EIF2AK1: variants seen among roughly 807,000 people sequenced by gnomAD.
The protein encoded by EIF2AK1 is eukaryotic translation initiation factor 2 alpha kinase 1.
EIF2AK1 carries 54 observed loss-of-function variants against 77.9 expected under a neutral mutation model. The observed-to-expected ratio is 0.69, with a 90% confidence interval of 0.56 to 0.87. EIF2AK1 has a LOEUF of 0.87. EIF2AK1 is among the 40% of genes least tolerant of loss of function. The probability of loss-of-function intolerance (pLI) is 0.00; values close to 1 mark genes in which losing one functional copy is unlikely to be tolerated. For synonymous variants in EIF2AK1, 314 were observed against 290.5 expected, an observed-to-expected ratio of 1.08 and a Z score of -0.82; for missense variants, 810 against 768.6, an observed-to-expected ratio of 1.05 and a Z score of -0.64.
intron 4 of EIF2AK1, 43 bp from the exon 5 acceptor site, chr7:6,047,134 A>G (rs1311706205): frequency 2.6e-6 from 4 of 1,556,534 alleles, no homozygotes; most frequent in Non-Finnish European, 3.5e-6. Context: ...ACATGAGAGA[A>G]TCAAAATGTT....
chr7:6,049,428 A>AGGT (rs1245393719), intron 3 of EIF2AK1, among the ~76,000 whole-genome samples: 1 of 152,140 alleles, frequency 6.6e-6, no homozygotes, highest in African/African-American at 2.4e-5. Flanking sequence ...CTGTGGTCCC[A>AGGT]GCTACTTGGG....
intron 1 of EIF2AK1, among the ~76,000 whole-genome samples, chr7:6,055,414 C>T (rs28609459): frequency 0.2 from 29,825 of 149,180 alleles, 3,862 homozygotes; most frequent in African/African-American, 0.37. Flanking sequence ...AAACTTTTCT[C>T]GATGAGCGTG....
chr7:6,045,400 C>G (rs767885932), intron 6 of EIF2AK1, among the ~76,000 whole-genome samples: 15 of 152,106 alleles, frequency 9.9e-5, no homozygotes, highest in Non-Finnish European at 2.2e-4. Context: ...GCCACTGCAC[C>G]TGGCCAATAT....
rs771758215 is a variant in EIF2AK1, at chr7:6,036,079, T to A, written c.1332+1345A>T. On this transcript the variant is annotated intron_variant, in intron 11 of 14. Coordinates refer to ENST00000199389, the MANE Select transcript of EIF2AK1 (RefSeq NM_014413.4). This position sits in a 1 kb window ranked among gnomAD's most constrained non-coding sequence, Gnocchi z 4.6. ...AGAAACGGGGAATCTCCAATTTATA[T>A]GTACCTTCAGCGCAGTTGCAATGTA... 3 of 1,551,062 alleles carry A rather than the reference T, an allele frequency of 1.9e-6. No individual in the cohort carries two copies. The highest frequency in any genetic ancestry group is 2.6e-6 in the Non-Finnish European group (3 of 1,147,110).
intron 4 of EIF2AK1, 178 bp from the exon 5 acceptor site, chr7:6,047,269 T>C (rs1483072133): frequency 1.4e-6 from 1 of 728,968 alleles, no homozygotes. Context: ...CAAAATCAGG[T>C]GTTTTACCAG....
chr7:6,054,790 T>G, intron 1 of EIF2AK1, 86 bp from the exon 2 acceptor site: 4 of 1,315,672 alleles, frequency 3.0e-6, no homozygotes, highest in Non-Finnish European at 4.2e-6. Flanking sequence ...TAATGAAACA[T>G]GAAATATTTA....
rs770727290 is a variant in EIF2AK1, at chr7:6,032,964, CT to C, written c.1333-3933del. 51 of 1,512,222 alleles carry C rather than the reference CT, an allele frequency of 3.4e-5. No individual in the cohort carries two copies. Among genetic ancestry groups the C allele is most frequent in the African/African-American group, 6.9e-5 (5 of 71,986 alleles). The allele number at this position is 1,512,222 out of a possible 1,614,324, so 93.7% of individuals were successfully genotyped here. On this transcript the variant is annotated intron_variant, in intron 11 of 14. Coordinates refer to ENST00000199389, the MANE Select transcript of EIF2AK1 (RefSeq NM_014413.4). The surrounding 1 kb of genome is among the most constrained non-coding windows in gnomAD (Gnocchi z 4.3). ...AAGTTAACTCCACCGAAAATCATTT[CT>C]TTTTTTTTCTTTTTTGTTTTGAGGC... is the stretch of plus-strand genomic sequence containing the variant.
intron 11 of EIF2AK1, chr7:6,031,715 C>T (rs1787918723): frequency 1.1e-6 from 1 of 900,628 alleles, no homozygotes; most frequent in Admixed American, 2.2e-5. Context: ...GACTCCAGCT[C>T]ACTCCACACA....
rs1787679191 is a variant in EIF2AK1, at chr7:6,024,423, G to A, written c.*250C>T. 1 of 1,355,306 alleles carries A rather than the reference G, an allele frequency of 7.4e-7. No individual in the cohort carries two copies. The highest frequency in any genetic ancestry group is 1.5e-5 in the African/African-American group (1 of 67,990). The allele number at this position is 1,355,306 out of a possible 1,614,324, so 84.0% of individuals were successfully genotyped here. A position where few individuals can be genotyped will look rare whatever the true frequency, so the allele number is the denominator to read the frequency against. On this transcript the variant is annotated 3_prime_UTR_variant, in exon 15 of 15. Coordinates refer to ENST00000199389, the MANE Select transcript of EIF2AK1 (RefSeq NM_014413.4). ...CAGAGGGTCAACAGAGTTGAAAGGA[G>A]AAAATAATTGAGGATGAGGTCCAAG...
chr7:6,038,234 A>G (rs918874151), intron 10 of EIF2AK1, among the ~76,000 whole-genome samples: 9 of 152,156 alleles, frequency 5.9e-5, no homozygotes, highest in Non-Finnish European at 1.2e-4. Flanking sequence ...GTTGGAGACC[A>G]GCCTGGGCAG....
intron 7 of EIF2AK1, among the ~76,000 whole-genome samples, chr7:6,043,343 G>A (rs1017558732): frequency 5.3e-5 from 8 of 152,228 alleles, no homozygotes; most frequent in South Asian, 4.1e-4. Flanking sequence ...TTGGGAGGCC[G>A]AGGCTCGAGG....
chr7:6,057,707 A>T (rs1451331195), intron 1 of EIF2AK1: 2 of 154,932 alleles, frequency 1.3e-5, no homozygotes, highest in Non-Finnish European at 2.9e-5. Flanking sequence ...GGCTCACTTC[A>T]ACCTCTGCCT....
At chr7:6,040,632 G>A (rs1011810141) in intron 9 of EIF2AK1, among the ~76,000 whole-genome samples, 12 of 152,088 alleles carry the variant, frequency 7.9e-5, no homozygotes, top group Non-Finnish European at 1.6e-4. Context: ...GAGTGAGGCC[G>A]CCAACTCTAG....
chr7:6,024,863 G>C (rs1258969869), intron 14 of EIF2AK1, 62 bp from the exon 15 acceptor site: 4 of 1,206,234 alleles, frequency 3.3e-6, no homozygotes, highest in East Asian at 5.6e-5. Flanking sequence ...TTTTGAGACA[G>C]AGTCTCGCTC....
In EIF2AK1 at chr7:6,023,426, T is replaced by C. The variant is rs1787596576; in HGVS notation, c.*1247A>G. 6.8e-6 allele frequency: 11 copies of C among 1,614,208 alleles called. No individual in the cohort carries two copies. The highest frequency in any genetic ancestry group is 1.3e-5 in the African/African-American group (1 of 75,054). On this transcript the variant is annotated 3_prime_UTR_variant, in exon 15 of 15. Coordinates refer to ENST00000199389, the MANE Select transcript of EIF2AK1 (RefSeq NM_014413.4). ...CATAATGCTGTCAACGCAACCCTTA[T>C]AGATAGCTGGGTAGATATTGCGATT...
rs762505086 is a variant in EIF2AK1 at position 6,038,541 on chromosome 7, A to T, written c.1231+19T>A. 6.3e-7 allele frequency: 1 copy of T among 1,595,772 alleles called. No homozygotes were observed. Among genetic ancestry groups the T allele is most frequent in the Non-Finnish European group, 8.6e-7 (1 of 1,169,092 alleles). ...GACTGTGTCTATTTCCCGGCCCGGC[A>T]GACCCAGATGGTACTCACAGGCAGA... On this transcript the variant is annotated intron_variant, in intron 10 of 14. Coordinates refer to ENST00000199389, the MANE Select transcript of EIF2AK1 (RefSeq NM_014413.4).
chr7:6,029,002 G>T lies in EIF2AK1; in HGVS notation c.1363C>A (p.Gln455Lys). 6.2e-7 allele frequency: 1 copy of T among 1,612,692 alleles called. No homozygotes were observed. The highest frequency in any genetic ancestry group is 1.1e-5 in the South Asian group (1 of 90,644). Residue 455 changes from glutamine (Q) to lysine (K), a missense_variant, in exon 12 of 15, where the codon CAG becomes AAG. By Grantham distance (53) the Gln-to-Lys change is moderately conservative (BLOSUM62 1). Around this residue, in one of 3 missense-constraint regions of EIF2AK1, gnomAD observed 549 missense variants for 533.7 expected, o/e 1.03. Coordinates refer to ENST00000199389, the MANE Select transcript of EIF2AK1 (RefSeq NM_014413.4). ...CCAAAGTCTCCTATTTTTACTTGCT[G>T]ATCAGGGCCATGAAGAAAAATATTT... The part of the protein sequence containing the change: ...PRNIFLHGPD[Q>K]QVKIGDFGLA...
chr7:6,058,265 A>G (rs1257965470), intron 1 of EIF2AK1: 1 of 423,258 alleles, frequency 2.4e-6, no homozygotes, highest in African/African-American at 2.1e-5. Context: ...AAAAATTAAA[A>G]AATTAGCTGG....
chr7:6,023,083 A>C lies in EIF2AK1; in HGVS notation c.*1590T>G. On this transcript the variant is annotated 3_prime_UTR_variant, in exon 15 of 15. Transcript: ENST00000199389. The stretch of plus-strand genomic sequence containing the variant: ...TTCAGAAGTGTCATAATCAAATACC[A>C]GGAATGACTCTTTGGTTACTTTTTT... The C allele has an allele frequency of 1.8e-6, 1 of 545,070 alleles. No individual in the cohort carries two copies. The highest frequency in any genetic ancestry group is 3.1e-6 in the Non-Finnish European group (1 of 320,104). 33.8% of individuals were successfully genotyped at this position (545,070 alleles called of 1,614,324 possible).
Sources: gnomAD v4.1 joint callset for allele counts (sites outside exome capture counted in the v4.1 genomes callset) on GRCh38, gnomAD v4.1.1 for gene constraint, gnomAD v4.1.1 regional missense constraint, Gnocchi (gnomAD v3.1) non-coding constraint, MANE v1.5 for transcripts, NCBI Gene and HGNC (gene_info 2026-07-23, HGNC 2026-07-21) for gene names.